The following SGCZ variants were observed in gnomAD, a reference collection of about 807,000 sequenced individuals.
SGCZ encodes the protein zeta-sarcoglycan.
Under a neutral mutation model 41.3 loss-of-function variants are expected in SGCZ, and 40 were observed. The ratio of observed to expected loss-of-function variants is 0.97; its 90% CI spans 0.75 to 1.26. The LOEUF (loss-of-function observed/expected upper bound fraction) is 1.26, where lower values mean the gene tolerates loss of function less well. SGCZ is among the 50% of genes most tolerant of loss of function. The probability of loss-of-function intolerance (pLI) is 0.00; values close to 1 mark genes in which losing one functional copy is unlikely to be tolerated. For synonymous variants in SGCZ, 206 were observed against 137.5 expected, an observed-to-expected ratio of 1.50 and a Z score of -3.49; for missense variants, 552 against 369.8, an observed-to-expected ratio of 1.49 and a Z score of -4.04.
At chr8:14,348,868 T>C (rs529983881) in intron 2 of SGCZ, among the ~76,000 whole-genome samples, 1 of 152,280 alleles carries the variant, frequency 6.6e-6, no homozygotes, top group East Asian at 1.9e-4. Flanking sequence ...AAACTCTTCA[T>C]TTAATTTTTA....
intron 1 of SGCZ, among the ~76,000 whole-genome samples, chr8:14,834,188 G>A (rs1256489012): frequency 1.3e-5 from 2 of 152,014 alleles, no homozygotes; most frequent in African/African-American, 4.8e-5. Flanking sequence ...CTGAACAACT[G>A]TGTCCTTCCT....
chr8:14,305,223 T>G (rs964126491), intron 3 of SGCZ, among the ~76,000 whole-genome samples: 17 of 152,194 alleles, frequency 1.1e-4, no homozygotes, highest in Non-Finnish European at 1.5e-4. Context: ...AACTATCATA[T>G]GAACAACAAA....
At position 15,232,342 on chromosome 8, in the gene SGCZ, T is replaced by A. The variant is rs890252525; in HGVS notation, c.39+5243A>T. ...ATTCTTTTTTACTGGGCCTTCAACA[T>A]TTGATGTATTTTCAATTGGTAAACT... On this transcript the variant is annotated intron_variant, in intron 1 of 7. Coordinates refer to ENST00000382080, the MANE Select transcript of SGCZ (RefSeq NM_139167.4). Among the ~76,000 whole-genome samples, 10 of 152,226 alleles carry A rather than the reference T, an allele frequency of 6.6e-5. No homozygotes were observed. In the East Asian group the frequency reaches 1.2e-3, roughly 18 times the overall value.
intron 2 of SGCZ, among the ~76,000 whole-genome samples, chr8:14,363,629 T>A (rs1383056167): frequency 1.3e-5 from 2 of 152,120 alleles, no homozygotes; most frequent in Non-Finnish European, 2.9e-5. Context: ...AACAACTGGC[T>A]AAGAAAAAGT....
intron 2 of SGCZ, among the ~76,000 whole-genome samples, chr8:14,331,651 T>C (rs1237203255): frequency 6.6e-6 from 1 of 152,106 alleles, no homozygotes. Context: ...AATATAACTT[T>C]TACCATCCTG....
At chr8:15,010,761 G>A (rs951911548) in intron 1 of SGCZ, among the ~76,000 whole-genome samples, 15 of 152,266 alleles carry the variant, frequency 9.9e-5, no homozygotes, top group South Asian at 2.1e-4. Flanking sequence ...TTAGAAAAGC[G>A]TATCAGAAGA....
chr8:14,131,130 G>C (rs150055327), intron 5 of SGCZ, among the ~76,000 whole-genome samples: 17 of 152,232 alleles, frequency 1.1e-4, no homozygotes, highest in Non-Finnish European at 1.9e-4. Flanking sequence ...CTCACTCCTT[G>C]TGTGTCCACA....
intron 5 of SGCZ, among the ~76,000 whole-genome samples, chr8:14,162,108 G>T (rs554823880): frequency 6.6e-6 from 1 of 152,122 alleles, no homozygotes; most frequent in African/African-American, 2.4e-5. Flanking sequence ...ATGGCATCGG[G>T]GCTACTAAGC....
At chr8:14,960,967 A>G (rs899284150) in intron 1 of SGCZ, among the ~76,000 whole-genome samples, 2 of 150,492 alleles carry the variant, frequency 1.3e-5, no homozygotes, top group Non-Finnish European at 3.0e-5. Flanking sequence ...ACACACACTC[A>G]CTCAAGCAGA....
intron 1 of SGCZ, among the ~76,000 whole-genome samples, chr8:15,156,473 A>ATGTACATTGGAT (rs1799333640): frequency 1.3e-5 from 2 of 152,202 alleles, no homozygotes; most frequent in Non-Finnish European, 2.9e-5. Flanking sequence ...TGTACTTGGA[A>ATGTACATTGGAT]AGAACATACC....
chr8:14,783,585 T>G (rs1800658697), intron 1 of SGCZ, among the ~76,000 whole-genome samples: 1 of 152,182 alleles, frequency 6.6e-6, no homozygotes, highest in Admixed American at 6.5e-5. Flanking sequence ...TAATTTTTTT[T>G]TCCTTCAGAT....
At chr8:14,340,587 G>C (rs1044274845) in intron 2 of SGCZ, among the ~76,000 whole-genome samples, 4 of 151,984 alleles carry the variant, frequency 2.6e-5, no homozygotes, top group East Asian at 1.9e-4. Context: ...ACAAGTACTT[G>C]TAAGTACTTG....
At chr8:15,237,256 C>CCCCA (rs1396539397) in intron 1 of SGCZ, among the ~76,000 whole-genome samples, 1 of 151,986 alleles carries the variant, frequency 6.6e-6, no homozygotes, top group Non-Finnish European at 1.5e-5. Context: ...GCCGCTGCCC[C>CCCCA]CCCCGGGGAG....
At chr8:14,364,398 G>A (rs1284761968) in intron 2 of SGCZ, among the ~76,000 whole-genome samples, 2 of 152,156 alleles carry the variant, frequency 1.3e-5, no homozygotes, top group South Asian at 2.1e-4. Flanking sequence ...AATAAATCAT[G>A]GGAAATGTAT....
chr8:14,306,800 T>C (rs6993950), intron 3 of SGCZ, among the ~76,000 whole-genome samples: 151,449 of 152,336 alleles, frequency 0.99, 75,289 homozygotes, highest in East Asian at 1. Context: ...AGTATTAAAT[T>C]CAGGAAAACT....
At chr8:14,303,716 C>A (rs561492624) in intron 3 of SGCZ, among the ~76,000 whole-genome samples, 2 of 152,154 alleles carry the variant, frequency 1.3e-5, no homozygotes, top group East Asian at 1.9e-4. Flanking sequence ...ATAGCAAAAT[C>A]TCTCTCTATA....
chr8:14,820,027 C>A (rs1802026766), intron 1 of SGCZ, among the ~76,000 whole-genome samples: 2 of 152,036 alleles, frequency 1.3e-5, no homozygotes, highest in African/African-American at 2.4e-5. Context: ...CAAAAACCAC[C>A]TTGAATATAA....
intron 4 of SGCZ, among the ~76,000 whole-genome samples, chr8:14,180,096 C>A (rs1424106792): frequency 6.6e-6 from 1 of 152,082 alleles, no homozygotes. Flanking sequence ...TGGAAGGAGG[C>A]AGAATCCCAC....
chr8:14,481,758 T>C (rs1801540623), intron 2 of SGCZ, among the ~76,000 whole-genome samples: 1 of 152,204 alleles, frequency 6.6e-6, no homozygotes. Flanking sequence ...AACTTTTAAA[T>C]TGAAGTAAAA....
Sources: gnomAD v4.1 joint callset for allele counts (sites outside exome capture counted in the v4.1 genomes callset) on GRCh38, gnomAD v4.1.1 for gene constraint, MANE v1.5 for transcripts, NCBI Gene and HGNC (gene_info 2026-07-23, HGNC 2026-07-21) for gene names.